The following KCNQ1 variants were observed in gnomAD, a reference collection of about 807,000 sequenced individuals.
KCNQ1 encodes potassium voltage-gated channel subfamily KQT member 1.
Under a neutral mutation model 72.4 loss-of-function variants are expected in KCNQ1, and 49 were observed. The observed-to-expected ratio is 0.68, with a 90% confidence interval of 0.54 to 0.86. KCNQ1 has a LOEUF of 0.86. Among genes scored for constraint, KCNQ1 ranks in the 40% least tolerant of loss-of-function variants. KCNQ1 has a pLI of 0.00. For synonymous variants in KCNQ1, 450 were observed against 412.6 expected (o/e 1.09, Z -1.10); for missense variants, 790 against 945.1 (o/e 0.84, Z 2.15).
chr11:2,810,714 C>A (rs372644354), intron 15 of KCNQ1, among the ~76,000 whole-genome samples: 1 of 152,208 alleles, frequency 6.6e-6, no homozygotes, highest in Non-Finnish European at 1.5e-5. Flanking sequence ...GAATGTTTTT[C>A]AATGTTTGCT....
chr11:2,467,316 AG>A (rs1209717703), intron 1 of KCNQ1, among the ~76,000 whole-genome samples: 3 of 152,000 alleles, frequency 2.0e-5, no homozygotes, highest in Admixed American at 2.0e-4. Flanking sequence ...GCCCAGGAGG[AG>A]GGCAGGACTG....
At position 2,481,560 on chromosome 11, in the gene KCNQ1, G is replaced by A. The variant is rs1485210885; in HGVS notation, c.386+36076G>A. Among the ~76,000 whole-genome samples, 2 of 152,222 alleles carry A rather than the reference G, an allele frequency of 1.3e-5. No homozygotes were observed. Among genetic ancestry groups the A allele is most frequent in the African/African-American group, 4.8e-5 (2 of 41,454 alleles). On this transcript the variant is annotated intron_variant, in intron 1 of 15. Transcript: ENST00000155840. This position sits in a 1 kb window ranked among gnomAD's most constrained non-coding sequence, Gnocchi z 4.6. The stretch of plus-strand genomic sequence containing the variant: ...GGCCTGTTAGGAACCAGGCTGCACA[G>A]CAGGAGGTGAGTGGCAGGTGAGCAA...
intron 15 of KCNQ1, among the ~76,000 whole-genome samples, chr11:2,797,314 G>A (rs978094940): frequency 1.3e-5 from 2 of 152,156 alleles, no homozygotes; most frequent in Non-Finnish European, 1.5e-5. Flanking sequence ...CAGACCAAGC[G>A]GTCACATCGC....
intron 2 of KCNQ1, among the ~76,000 whole-genome samples, chr11:2,556,347 G>A (rs73404645): frequency 0.085 from 12,899 of 152,228 alleles, 1,027 homozygotes; most frequent in African/African-American, 0.21. Context: ...TGAATTTGCG[G>A]GGCGGGGGAC....
intron 15 of KCNQ1, among the ~76,000 whole-genome samples, chr11:2,822,488 G>A (rs1275775219): frequency 2.6e-5 from 4 of 152,186 alleles, no homozygotes; most frequent in Non-Finnish European, 5.9e-5. Context: ...TGCTAAGTGC[G>A]TAAAGAGAGC....
In KCNQ1 at chr11:2,612,535, AGT is replaced by A. The variant is rs1318157369; in HGVS notation, c.1393+23683_1393+23684del. 7.5e-6 allele frequency: 3 copies of A among 398,604 alleles called. No individual in the cohort carries two copies. Among genetic ancestry groups the A allele is most frequent in the Non-Finnish European group, 1.3e-5 (3 of 226,058 alleles). 24.7% of individuals were successfully genotyped at this position (398,604 alleles called of 1,614,324 possible). A position where few individuals can be genotyped will look rare whatever the true frequency, so the allele number is the denominator to read the frequency against. ...CAGGTCAAATTTGCTTAGCCGCACT[AGT>A]GAGTTTTTCACCTAAGTTATTATAT... On this transcript the variant is annotated intron_variant, in intron 10 of 15. Transcript: ENST00000155840. This position sits in a 1 kb window ranked among gnomAD's most constrained non-coding sequence, Gnocchi z 5.5.
At chr11:2,684,003 G>C (rs575223125) in intron 11 of KCNQ1, 1 of 395,490 alleles carries the variant, frequency 2.5e-6, no homozygotes, top group African/African-American at 2.1e-5. Flanking sequence ...TGGCAACTCC[G>C]TCTCTCCTTA....
chr11:2,743,574 C>T (rs546186275), intron 11 of KCNQ1, among the ~76,000 whole-genome samples: 7 of 152,336 alleles, frequency 4.6e-5, no homozygotes, highest in East Asian at 1.9e-4. Context: ...CGAATCCCTA[C>T]GCCAGTCCCT....
chr11:2,718,566 C>G (rs929060711), intron 11 of KCNQ1, among the ~76,000 whole-genome samples: 1 of 152,218 alleles, frequency 6.6e-6, no homozygotes, highest in Non-Finnish European at 1.5e-5. Context: ...GGCATCTGAG[C>G]TAGCTGAGGC....
At position 2,691,774 on chromosome 11, in the gene KCNQ1, G is replaced by A. The variant is rs971838585; in HGVS notation, c.1514+29693G>A. ...CCACTAGGGCCATTTGCAGGCCAGT[G>A]GCCATCCACTGCCAGCAATCAGAGA... On this transcript the variant is annotated intron_variant, in intron 11 of 15. Coordinates refer to ENST00000155840, the MANE Select transcript of KCNQ1 (RefSeq NM_000218.3). This position sits in a 1 kb window ranked among gnomAD's most constrained non-coding sequence, Gnocchi z 6.4. 2.5e-6 allele frequency: 1 copy of A among 398,592 alleles called. No homozygotes were observed. The highest frequency in any genetic ancestry group is 2.1e-5 in the African/African-American group (1 of 48,606). The allele number at this position is 398,592 out of a possible 1,614,324, so 24.7% of individuals were successfully genotyped here.
In KCNQ1 at chr11:2,629,741, T is replaced by C. The variant is rs1849322557; in HGVS notation, c.1394-32220T>C. 3.0e-5 allele frequency: 12 copies of C among 398,542 alleles called. No homozygotes were observed. The East Asian group carries it at 4.3e-4, about 14-fold the overall frequency. 24.7% of individuals were successfully genotyped at this position (398,542 alleles called of 1,614,324 possible). A position where few individuals can be genotyped will look rare whatever the true frequency, so the allele number is the denominator to read the frequency against. On this transcript the variant is annotated intron_variant, in intron 10 of 15. Transcript: ENST00000155840. ...TTTCAGGTTGTTTATTATTAGTGTA[T>C]AGATACGCAAATGACTTCTGAATGC...
rs1846888568 is a variant in KCNQ1 at position 2,785,144 on chromosome 11, A to G, written c.1794+7107A>G. ...TCTGAGTTTTCCATAGATGCCTTTTATCATGTTGAGAATATTTCCTTCTAT... is the reference window on the plus strand; with the variant it reads ...TCTGAGTTTTCCATAGATGCCTTTTGTCATGTTGAGAATATTTCCTTCTAT... On this transcript the variant is annotated intron_variant, in intron 15 of 15. Coordinates refer to ENST00000155840, the MANE Select transcript of KCNQ1 (RefSeq NM_000218.3). This position sits in a 1 kb window ranked among gnomAD's most constrained non-coding sequence, Gnocchi z 4.4. Among the ~76,000 whole-genome samples, 1 of 151,986 alleles carries G rather than the reference A, an allele frequency of 6.6e-6. No homozygotes were observed. Among genetic ancestry groups the G allele is most frequent in the African/African-American group, 2.4e-5 (1 of 41,448 alleles).
At position 2,663,348 on chromosome 11, in the gene KCNQ1, G is replaced by A; in HGVS notation, c.1514+1267G>A. 2.5e-6 allele frequency: 1 copy of A among 398,802 alleles called. No individual in the cohort carries two copies. Among genetic ancestry groups the A allele is most frequent in the Middle Eastern group, 6.3e-4 (1 of 1,588 alleles). 24.7% of individuals were successfully genotyped at this position (398,802 alleles called of 1,614,324 possible). A position where few individuals can be genotyped will look rare whatever the true frequency, so the allele number is the denominator to read the frequency against. On this transcript the variant is annotated intron_variant, in intron 11 of 15. Coordinates refer to ENST00000155840, the MANE Select transcript of KCNQ1 (RefSeq NM_000218.3). The surrounding 1 kb of genome is among the most constrained non-coding windows in gnomAD (Gnocchi z 5.2). ...GAGCAGAGGTGTGAGCAGGCTGGTA[G>A]CCAGATGGGCTGCCCAGGTACAGGT...
rs1000117338 is a variant in KCNQ1, at chr11:2,617,856, C to T, written c.1393+29002C>T. 1 of 398,350 alleles carries T rather than the reference C, an allele frequency of 2.5e-6. No individual in the cohort carries two copies. The highest frequency in any genetic ancestry group is 2.1e-5 in the African/African-American group (1 of 48,604). The allele number at this position is 398,350 out of a possible 1,614,324, so 24.7% of individuals were successfully genotyped here. A position where few individuals can be genotyped will look rare whatever the true frequency, so the allele number is the denominator to read the frequency against. ...TCTTTGCAAAAATGTCTACTCAGTTCCACTGCCCATTTTTTAATTGGGTTA... is the reference window on the plus strand; with the variant it reads ...TCTTTGCAAAAATGTCTACTCAGTTTCACTGCCCATTTTTTAATTGGGTTA... On this transcript the variant is annotated intron_variant, in intron 10 of 15. Transcript: ENST00000155840. This position sits in a 1 kb window ranked among gnomAD's most constrained non-coding sequence, Gnocchi z 4.6.
chr11:2,696,804 C>T (rs1236705873), intron 11 of KCNQ1: 2 of 398,432 alleles, frequency 5.0e-6, no homozygotes, highest in African/African-American at 4.1e-5. Flanking sequence ...ATAAATTTTG[C>T]TGCTATTCTG....
At chr11:2,614,093 A>T in intron 10 of KCNQ1, 1 of 398,498 alleles carries the variant, frequency 2.5e-6, no homozygotes, top group Non-Finnish European at 4.4e-6. Context: ...TGGTTTCTAG[A>T]TGGCAGCTAT....
Position 2,682,266 on chromosome 11 carries a change from G to T in KCNQ1, c.1514+20185G>T, listed in dbSNP as rs1359861267. On this transcript the variant is annotated intron_variant, in intron 11 of 15. Transcript: ENST00000155840. This position sits in a 1 kb window ranked among gnomAD's most constrained non-coding sequence, Gnocchi z 5.8. ...TTCCTCAGAGGAGCCAATTTCTAAA[G>T]CTTAAGACTGGGCTGTAAAAAATCA... The T allele has an allele frequency of 2.5e-6, 1 of 398,430 alleles. No individual in the cohort carries two copies. The highest frequency in any genetic ancestry group is 4.4e-6 in the Non-Finnish European group (1 of 226,082). The allele number at this position is 398,430 out of a possible 1,614,324, so 24.7% of individuals were successfully genotyped here.
At chr11:2,821,116 CGTCCCTGCAGGGTGGGGTGG>C (rs1395571756) in intron 15 of KCNQ1, among the ~76,000 whole-genome samples, 5 of 152,236 alleles carry the variant, frequency 3.3e-5, no homozygotes, top group African/African-American at 4.8e-5. Flanking sequence ...GGGAAGCTTT[CGTCCCTGCAGGGTGGGGTGG>C]GTCTGTCAAG....
rs910003756 is a variant in KCNQ1, at chr11:2,565,973, C to A, written c.478-4655C>A. ...ACCCACACCCTCCCTCCAGGCCAGA[C>A]CCAGCTCTCCAGCTTCCCGGCTGCC... On this transcript the variant is annotated intron_variant, in intron 2 of 15. Coordinates refer to ENST00000155840, the MANE Select transcript of KCNQ1 (RefSeq NM_000218.3). This position sits in a 1 kb window ranked among gnomAD's most constrained non-coding sequence, Gnocchi z 5.6. Among the ~76,000 whole-genome samples, 5 of 152,100 alleles carry A rather than the reference C, an allele frequency of 3.3e-5. No homozygotes were observed. Among genetic ancestry groups the A allele is most frequent in the African/African-American group, 9.7e-5 (4 of 41,406 alleles).
Sources: gnomAD v4.1 joint callset for allele counts (sites outside exome capture counted in the v4.1 genomes callset) on GRCh38, gnomAD v4.1.1 for gene constraint, Gnocchi (gnomAD v3.1) non-coding constraint, MANE v1.5 for transcripts, NCBI Gene and HGNC (gene_info 2026-07-23, HGNC 2026-07-21) for gene names.